Variants in NTRK3 observed in about 807,000 individuals in gnomAD.
NTRK3 encodes the protein NT-3 growth factor receptor.
A neutral mutation model predicts 91.7 loss-of-function variants in NTRK3; 24 were observed. The ratio of observed to expected loss-of-function variants is 0.26; its 90% CI spans 0.19 to 0.37. NTRK3 has a LOEUF of 0.37. NTRK3 is among the 10% of genes least tolerant of loss of function. The pLI is 1.00. For missense variants in NTRK3, 880 were observed against 1,068.9 expected (o/e 0.82, Z 2.46); for synonymous variants, 483 against 404.0 (o/e 1.20, Z -2.34).
At chr15:87,875,318 G>A (rs1596043571) in exon 19 of NTRK3, 1 of 230,608 alleles carries the variant, frequency 4.3e-6, no homozygotes. Flanking sequence ...GAGGAGATCT[G>A]TGGGGCCAGG....
chr15:88,100,893 G>C (rs112537788), intron 13 of NTRK3, among the ~76,000 whole-genome samples: 2,347 of 152,208 alleles, frequency 0.015, 50 homozygotes, highest in African/African-American at 0.054. Context: ...TTAAATGTTA[G>C]ACCTAAAACC....
At chr15:87,940,152 C>G (rs2069684239) in intron 15 of NTRK3, among the ~76,000 whole-genome samples, 1 of 152,106 alleles carries the variant, frequency 6.6e-6, no homozygotes, top group East Asian at 1.9e-4. Flanking sequence ...TGCTGCACCC[C>G]CCTCCCTCAA....
intron 3 of NTRK3, among the ~76,000 whole-genome samples, chr15:88,228,822 C>A (rs899179273): frequency 1.8e-4 from 27 of 152,292 alleles, no homozygotes; most frequent in African/African-American, 5.5e-4. Context: ...TTCACCTCAC[C>A]TTGCCATAGA....
At chr15:88,158,976 T>C (rs1308134181) in intron 5 of NTRK3, among the ~76,000 whole-genome samples, 1 of 151,812 alleles carries the variant, frequency 6.6e-6, no homozygotes, top group Non-Finnish European at 1.5e-5. Flanking sequence ...AAGCAAGGGA[T>C]AGAGAGGGAG....
intron 14 of NTRK3, among the ~76,000 whole-genome samples, chr15:87,991,310 A>G (rs1254976794): frequency 6.6e-6 from 1 of 152,180 alleles, no homozygotes; most frequent in Non-Finnish European, 1.5e-5. Flanking sequence ...GAAATGCAGC[A>G]TCTCAGGCTC....
intron 13 of NTRK3, among the ~76,000 whole-genome samples, chr15:88,110,549 T>C (rs1208199901): frequency 6.6e-6 from 1 of 152,158 alleles, no homozygotes; most frequent in Non-Finnish European, 1.5e-5. Context: ...CAGAGGACAT[T>C]TATGCACCCT....
chr15:88,008,690 G>A (rs2076658395), intron 14 of NTRK3, among the ~76,000 whole-genome samples: 1 of 152,062 alleles, frequency 6.6e-6, no homozygotes, highest in Non-Finnish European at 1.5e-5. Context: ...GTTCTGATGA[G>A]GAGCAACCAG....
intron 6 of NTRK3, among the ~76,000 whole-genome samples, chr15:88,141,174 G>T (rs1019165236): frequency 1.3e-4 from 20 of 152,162 alleles, no homozygotes; most frequent in African/African-American, 3.9e-4. Context: ...AGCCTTGGAG[G>T]TGTTGCCTTG....
At chr15:87,892,201 G>C (rs981414744) in intron 17 of NTRK3, among the ~76,000 whole-genome samples, 1 of 151,962 alleles carries the variant, frequency 6.6e-6, no homozygotes, top group African/African-American at 2.4e-5. Context: ...TACAATGGAA[G>C]GAACTGTATA....
intron 13 of NTRK3, among the ~76,000 whole-genome samples, chr15:88,055,475 T>C (rs555229792): frequency 6.6e-6 from 1 of 152,324 alleles, no homozygotes; most frequent in Non-Finnish European, 1.5e-5. Context: ...ATTCATTCAA[T>C]GACCCTTGAA....
At chr15:88,154,507 A>T (rs2043701362) in intron 5 of NTRK3, among the ~76,000 whole-genome samples, 1 of 152,180 alleles carries the variant, frequency 6.6e-6, no homozygotes, top group East Asian at 1.9e-4. Context: ...CCTCAATTAA[A>T]TTGCTGTAAA....
chr15:88,212,073 T>A (rs2081556), intron 3 of NTRK3, among the ~76,000 whole-genome samples: 130,133 of 152,244 alleles, frequency 0.85, 55,885 homozygotes, highest in East Asian at 0.98. Context: ...AGCATCCATT[T>A]AAAGTCTCTA....
intron 15 of NTRK3, among the ~76,000 whole-genome samples, chr15:87,934,136 C>A (rs2069054995): frequency 6.6e-6 from 1 of 152,194 alleles, no homozygotes; most frequent in Non-Finnish European, 1.5e-5. Context: ...ATGGGCCCAG[C>A]AATGCTGGCC....
At chr15:87,937,725 GTGAAGAAATA>G (rs1325263043) in intron 15 of NTRK3, among the ~76,000 whole-genome samples, 3 of 152,098 alleles carry the variant, frequency 2.0e-5, no homozygotes, top group Admixed American at 6.5e-5. Context: ...CTCAAAAGGA[GTGAAGAAATA>G]CATTTTCTAA....
Position 88,184,238 on chromosome 15 carries a change from C to T in NTRK3, c.310G>A (p.Gly104Arg), listed in dbSNP as rs751831141. Residue 104 changes from glycine (G) to arginine (R), a missense_variant, in exon 4 of 19, where the codon GGA becomes AGA. Physicochemically the swap from Gly to Arg is moderately radical, Grantham distance 125 (BLOSUM62 -2). Transcript: ENST00000394480. ...GGGTGTACTCACAGCTTTTGAAGTC[C>T]GGTGTAGAGCTCCATGTCCACGGCG... The T allele has an allele frequency of 5.0e-6, 8 of 1,613,984 alleles. No homozygotes were observed. The Admixed American group carries it at 5.0e-5, about 10-fold the overall frequency.
At chr15:88,104,155 T>C (rs1246434453) in intron 13 of NTRK3, among the ~76,000 whole-genome samples, 1 of 152,220 alleles carries the variant, frequency 6.6e-6, no homozygotes, top group Non-Finnish European at 1.5e-5. Context: ...ACTAAGTTAC[T>C]GGTTTCAATA....
chr15:88,158,639 G>A (rs963689784), intron 5 of NTRK3, among the ~76,000 whole-genome samples: 2 of 152,208 alleles, frequency 1.3e-5, no homozygotes, highest in Admixed American at 6.5e-5. Flanking sequence ...CGGGGTGGGT[G>A]GGCATTGCTC....
intron 5 of NTRK3, among the ~76,000 whole-genome samples, chr15:88,163,692 C>T (rs757700397): frequency 7.2e-5 from 11 of 152,168 alleles, no homozygotes; most frequent in Non-Finnish European, 1.3e-4. Context: ...GAGGCAGGAC[C>T]TTCATTCTTT....
intron 5 of NTRK3, among the ~76,000 whole-genome samples, chr15:88,164,104 ATT>A (rs2044712384): frequency 6.6e-6 from 1 of 152,154 alleles, no homozygotes; most frequent in African/African-American, 2.4e-5. Flanking sequence ...CCCCATAGAA[ATT>A]TGTTCATTTA....
Sources: allele counts gnomAD v4.1 joint callset (sites outside exome capture counted in the v4.1 genomes callset), GRCh38; gene constraint gnomAD v4.1.1; transcripts MANE v1.5; gene names NCBI Gene and HGNC (gene_info 2026-07-23, HGNC 2026-07-21).